Variants in SLC2A13 observed in about 807,000 individuals in gnomAD.
SLC2A13 encodes the protein proton myo-inositol cotransporter.
A neutral mutation model predicts 64.4 loss-of-function variants in SLC2A13; 32 were observed. The ratio of observed to expected loss-of-function variants is 0.50; its 90% CI spans 0.37 to 0.67. The LOEUF (loss-of-function observed/expected upper bound fraction) is 0.67, where lower values mean the gene tolerates loss of function less well. Among genes scored for constraint, SLC2A13 ranks in the 30% least tolerant of loss-of-function variants. The probability of loss-of-function intolerance (pLI) is 0.00; values close to 1 mark genes in which losing one functional copy is unlikely to be tolerated. For missense variants in SLC2A13, 743 were observed against 829.2 expected (o/e 0.90, Z 1.28); for synonymous variants, 338 against 327.1 (o/e 1.03, Z -0.36).
chr12:39,946,850 T>C (rs1451673745), intron 4 of SLC2A13, among the ~76,000 whole-genome samples: 1 of 152,182 alleles, frequency 6.6e-6, no homozygotes, highest in Non-Finnish European at 1.5e-5. Context: ...AACGCCCCAT[T>C]TGCGTCCTCC....
In SLC2A13 at chr12:39,826,854, A is replaced by ATTTTTTTTTTTTTTTTTT. The variant is rs63699664; in HGVS notation, c.1445+3231_1445+3248dup. ...TTTATTTCTTTTAAAGTCTCTTTCA[A>ATTTTTTTTTTTTTTTTTT]TTTTTTTTTTTTTTTTTTGCAATGC... On this transcript the variant is annotated intron_variant, in intron 7 of 9. Transcript: ENST00000280871. Among the ~76,000 whole-genome samples the ATTTTTTTTTTTTTTTTTT allele has an allele frequency of 8.9e-5, 6 of 67,392 alleles. 1 individual carries two copies. Among genetic ancestry groups the ATTTTTTTTTTTTTTTTTT allele is most frequent in the African/African-American group, 2.8e-4 (4 of 14,386 alleles). The allele number at this position is 67,392 out of a possible 152,430, so 44.2% of individuals were successfully genotyped here.
chr12:39,766,336 A>G (rs1940348845), intron 7 of SLC2A13, among the ~76,000 whole-genome samples: 1 of 152,210 alleles, frequency 6.6e-6, no homozygotes, highest in South Asian at 2.1e-4. Context: ...TTATGTTCCC[A>G]TGAAAGTGCA....
At position 40,105,229 on chromosome 12, in the gene SLC2A13, G is replaced by A. The variant is rs760056525; in HGVS notation, c.556+24C>T. 19 of 1,540,332 alleles carry A rather than the reference G, an allele frequency of 1.2e-5. No individual in the cohort carries two copies. The highest frequency in any genetic ancestry group is 8.7e-6 in the Non-Finnish European group (10 of 1,147,416). On this transcript the variant is annotated intron_variant, in intron 1 of 9. Coordinates refer to ENST00000280871, the MANE Select transcript of SLC2A13 (RefSeq NM_052885.4). This position sits in a 1 kb window ranked among gnomAD's most constrained non-coding sequence, Gnocchi z 4.2. The stretch of plus-strand genomic sequence containing the variant: ...GGGCGGTGACAATGGGATCCCGGGC[G>A]CCCTTCACGGAGCCCGAACTCACCG...
chr12:40,024,909 G>A (rs1947779628), intron 3 of SLC2A13, among the ~76,000 whole-genome samples: 1 of 152,118 alleles, frequency 6.6e-6, no homozygotes, highest in South Asian at 2.1e-4. Context: ...ATTTAAGATG[G>A]CAAGTTTGAG....
chr12:40,080,325 GTCT>G (rs1352058508), intron 1 of SLC2A13, among the ~76,000 whole-genome samples: 1 of 152,162 alleles, frequency 6.6e-6, no homozygotes, highest in Non-Finnish European at 1.5e-5. Flanking sequence ...ATACAGTTGG[GTCT>G]TCTTCTTTAT....
At chr12:39,945,465 A>G (rs1022914011) in intron 4 of SLC2A13, among the ~76,000 whole-genome samples, 13 of 151,978 alleles carry the variant, frequency 8.6e-5, no homozygotes, top group African/African-American at 2.9e-4. Context: ...GGCTTTTAGA[A>G]TTCTCTTCTC....
intron 1 of SLC2A13, among the ~76,000 whole-genome samples, chr12:40,056,432 GATCACTGTATGAAGTGCTAC>G (rs1321009859): frequency 4.6e-5 from 7 of 152,184 alleles, no homozygotes; most frequent in Non-Finnish European, 1.0e-4. Context: ...ACATGGGAAA[GATCACTGTATGAAGTGCTAC>G]ATAAGCAGAA....
At chr12:39,804,973 A>C (rs1258285202) in intron 7 of SLC2A13, among the ~76,000 whole-genome samples, 1 of 112,662 alleles carries the variant, frequency 8.9e-6, no homozygotes, top group African/African-American at 3.4e-5. Flanking sequence ...ACTTGCTTGG[A>C]AAGTGCCACA....
intron 2 of SLC2A13, among the ~76,000 whole-genome samples, chr12:40,041,099 C>A (rs1318216401): frequency 6.6e-6 from 1 of 152,014 alleles, no homozygotes; most frequent in Non-Finnish European, 1.5e-5. Context: ...ATTACAGGCG[C>A]CCACCACCGC....
chr12:40,060,018 T>C (rs1464396575), intron 1 of SLC2A13, among the ~76,000 whole-genome samples: 1 of 152,100 alleles, frequency 6.6e-6, no homozygotes, highest in Admixed American at 6.5e-5. Flanking sequence ...AAAAAGACTG[T>C]AACAAAGGTC....
At chr12:39,965,078 C>T (rs548131288) in intron 3 of SLC2A13, among the ~76,000 whole-genome samples, 1 of 152,140 alleles carries the variant, frequency 6.6e-6, no homozygotes, top group South Asian at 2.1e-4. Context: ...TAATATTTCC[C>T]AATTAAATAC....
At chr12:39,833,874 G>A (rs1003387901) in intron 6 of SLC2A13, among the ~76,000 whole-genome samples, 2 of 142,520 alleles carry the variant, frequency 1.4e-5, no homozygotes, top group Non-Finnish European at 3.0e-5. Context: ...CCACACTTTT[G>A]CCTCTGAAGC....
intron 4 of SLC2A13, among the ~76,000 whole-genome samples, chr12:39,945,964 G>A (rs557690716): frequency 1.3e-5 from 2 of 152,254 alleles, no homozygotes; most frequent in South Asian, 2.1e-4. Flanking sequence ...TGGCCTTCTG[G>A]TTCCTTCTTA....
chr12:40,068,373 TG>T, intron 1 of SLC2A13: 1 of 339,588 alleles, frequency 2.9e-6, no homozygotes, highest in South Asian at 2.4e-5. Context: ...ACCACTGTAG[TG>T]ATGAACACCA....
intron 1 of SLC2A13, among the ~76,000 whole-genome samples, chr12:40,059,945 G>C (rs1948391197): frequency 6.6e-6 from 1 of 152,148 alleles, no homozygotes; most frequent in Non-Finnish European, 1.5e-5. Flanking sequence ...GAGAAGGCCA[G>C]GGAGAGAGAG....
chr12:39,906,057 T>C (rs1473122134), intron 4 of SLC2A13, among the ~76,000 whole-genome samples: 1 of 152,132 alleles, frequency 6.6e-6, no homozygotes, highest in Non-Finnish European at 1.5e-5. Context: ...CATGACAACT[T>C]TATCACGATA....
chr12:39,852,928 G>A (rs1303968433), intron 6 of SLC2A13, among the ~76,000 whole-genome samples: 1 of 152,116 alleles, frequency 6.6e-6, no homozygotes, highest in Non-Finnish European at 1.5e-5. Context: ...ATAGCCAATG[G>A]GAAACCTCTA....
At chr12:40,082,194 C>T (rs910696058) in intron 1 of SLC2A13, among the ~76,000 whole-genome samples, 15 of 152,326 alleles carry the variant, frequency 9.8e-5, no homozygotes, top group Admixed American at 9.2e-4. Context: ...ATGCACACGG[C>T]ATGTACACAT....
At chr12:39,988,075 A>G (rs886464431) in intron 3 of SLC2A13, among the ~76,000 whole-genome samples, 9 of 152,288 alleles carry the variant, frequency 5.9e-5, no homozygotes, top group Admixed American at 3.3e-4. Flanking sequence ...ACTACAAACA[A>G]TATTGCAAGG....
Sources: allele counts gnomAD v4.1 joint callset (sites outside exome capture counted in the v4.1 genomes callset), GRCh38; gene constraint gnomAD v4.1.1; non-coding constraint Gnocchi (gnomAD v3.1); transcripts MANE v1.5; gene names NCBI Gene and HGNC (gene_info 2026-07-23, HGNC 2026-07-21).